Variants in KLHL1 observed in about 807,000 individuals in gnomAD.
The protein encoded by KLHL1 is kelch-like protein 1.
A neutral mutation model predicts 77.7 loss-of-function variants in KLHL1; 47 were observed. That is an observed-to-expected ratio of 0.60 (90% CI 0.48 to 0.77). KLHL1 has a LOEUF of 0.77. Ranked by LOEUF, KLHL1 falls within the 30% of genes least tolerant of loss-of-function variation. The pLI is 0.00. For missense variants in KLHL1, 925 were observed against 910.8 expected (o/e 1.02, Z -0.20); for synonymous variants, 360 against 325.2 (o/e 1.11, Z -1.15).
At chr13:69,973,475 A>T (rs1017130608) in intron 2 of KLHL1, among the ~76,000 whole-genome samples, 1 of 151,648 alleles carries the variant, frequency 6.6e-6, no homozygotes, top group Non-Finnish European at 1.5e-5. Flanking sequence ...ATATTATTTG[A>T]TATTATTATA....
chr13:69,702,908 C>A (rs1454161533), intron 10 of KLHL1, among the ~76,000 whole-genome samples: 1 of 151,710 alleles, frequency 6.6e-6, no homozygotes, highest in Non-Finnish European at 1.5e-5. Flanking sequence ...GTAATCACAT[C>A]TTGTACTGTT....
chr13:69,952,886 C>A (rs1566439546), intron 3 of KLHL1, among the ~76,000 whole-genome samples: 1 of 151,180 alleles, frequency 6.6e-6, no homozygotes, highest in Non-Finnish European at 1.5e-5. Flanking sequence ...CTTGTTTTCC[C>A]CCCATACTAT....
At chr13:70,049,813 C>A (rs1886587757) in intron 1 of KLHL1, among the ~76,000 whole-genome samples, 1 of 151,938 alleles carries the variant, frequency 6.6e-6, no homozygotes, top group Non-Finnish European at 1.5e-5. Context: ...ATTTTTCAAA[C>A]TTGTTCTGGC....
intron 1 of KLHL1, among the ~76,000 whole-genome samples, chr13:70,041,758 C>T (rs544103752): frequency 6.6e-6 from 1 of 152,172 alleles, no homozygotes; most frequent in African/African-American, 2.4e-5. Context: ...ATCCAGGTTT[C>T]CCACATGGTC....
At chr13:69,876,385 T>C (rs930327469) in intron 5 of KLHL1, among the ~76,000 whole-genome samples, 4 of 152,216 alleles carry the variant, frequency 2.6e-5, no homozygotes, top group Admixed American at 1.3e-4. Flanking sequence ...ACCTCACCCT[T>C]CCTTCTTGCA....
At chr13:69,840,895 G>C (rs1027699026) in intron 5 of KLHL1, among the ~76,000 whole-genome samples, 2 of 151,196 alleles carry the variant, frequency 1.3e-5, no homozygotes, top group African/African-American at 2.4e-5. Flanking sequence ...GATCATCTGT[G>C]TGTCAAATAT....
At chr13:70,091,953 G>A (rs183788672) in intron 1 of KLHL1, among the ~76,000 whole-genome samples, 28 of 152,208 alleles carry the variant, frequency 1.8e-4, no homozygotes, top group Middle Eastern at 3.4e-3. Context: ...CTGCCTGGCA[G>A]CAGGGTGTAG....
chr13:69,701,400 T>C lies in KLHL1; in HGVS notation c.*302A>G, dbSNP rs1875385846. The C allele has an allele frequency of 8.1e-6, 2 of 247,762 alleles. No homozygotes were observed. Among genetic ancestry groups the C allele is most frequent in the South Asian group, 8.1e-5 (1 of 12,416 alleles). 15.3% of individuals were successfully genotyped at this position (247,762 alleles called of 1,614,324 possible). ...ACAAATATTGGTCTCTCCTTTCAAC[T>C]GCTCAAGAAAAAACAAGCCTTTGGT... On this transcript the variant is annotated 3_prime_UTR_variant, in exon 11 of 11. Transcript: ENST00000377844.
chr13:70,094,235 C>T (rs531081971), intron 1 of KLHL1, among the ~76,000 whole-genome samples: 3 of 151,838 alleles, frequency 2.0e-5, no homozygotes, highest in Admixed American at 6.6e-5. Flanking sequence ...CTGAGGTGGG[C>T]GGATAACTTG....
intron 8 of KLHL1, among the ~76,000 whole-genome samples, chr13:69,738,431 T>C (rs1310780385): frequency 2.0e-5 from 3 of 152,004 alleles, no homozygotes; most frequent in Non-Finnish European, 4.4e-5. Context: ...CTTCAGAAGA[T>C]GGGTAACAAC....
intron 1 of KLHL1, among the ~76,000 whole-genome samples, chr13:69,978,739 G>A (rs900613969): frequency 1.3e-5 from 2 of 152,040 alleles, no homozygotes; most frequent in East Asian, 3.9e-4. Context: ...TGCCCGCCTT[G>A]GCCCCCCAAA....
At chr13:69,753,827 G>T (rs537782941) in intron 7 of KLHL1, among the ~76,000 whole-genome samples, 1 of 124,980 alleles carries the variant, frequency 8.0e-6, no homozygotes, top group Non-Finnish European at 1.8e-5. Flanking sequence ...TTCCATAATG[G>T]CATAGAAATA....
At chr13:69,988,210 G>T (rs2137309148) in intron 1 of KLHL1, among the ~76,000 whole-genome samples, 1 of 152,112 alleles carries the variant, frequency 6.6e-6, no homozygotes, top group African/African-American at 2.4e-5. Flanking sequence ...AGAATGTGTG[G>T]TGGTGTTTGG....
intron 6 of KLHL1, among the ~76,000 whole-genome samples, chr13:69,809,540 TGA>T (rs1877772552): frequency 6.6e-6 from 1 of 152,074 alleles, no homozygotes; most frequent in Non-Finnish European, 1.5e-5. Context: ...ATCGGCTCTA[TGA>T]GAGATGCTTA....
At chr13:69,882,521 A>C in intron 4 of KLHL1, 26 bp from the exon 5 acceptor site, 1 of 1,529,722 alleles carries the variant, frequency 6.5e-7, no homozygotes, top group Non-Finnish European at 9.0e-7. Context: ...ATCTTGGCAT[A>C]AATTCTGTTT....
chr13:69,758,842 G>A (rs1056768312), intron 7 of KLHL1, among the ~76,000 whole-genome samples: 1 of 151,710 alleles, frequency 6.6e-6, no homozygotes, highest in Non-Finnish European at 1.5e-5. Context: ...AATAATTAAT[G>A]TTTCCGTATT....
At chr13:69,975,317 C>T (rs538582775) in intron 2 of KLHL1, among the ~76,000 whole-genome samples, 7 of 151,836 alleles carry the variant, frequency 4.6e-5, no homozygotes, top group African/African-American at 1.5e-4. Flanking sequence ...TCCCACAGTC[C>T]CAGATAATGG....
chr13:70,020,376 A>G (rs1885759035), intron 1 of KLHL1, among the ~76,000 whole-genome samples: 1 of 152,156 alleles, frequency 6.6e-6, no homozygotes, highest in African/African-American at 2.4e-5. Flanking sequence ...ACATGTATGT[A>G]TATTTTGCTC....
chr13:69,905,526 C>A (rs1034666697), intron 4 of KLHL1, among the ~76,000 whole-genome samples: 11 of 151,794 alleles, frequency 7.2e-5, no homozygotes, highest in African/African-American at 2.4e-4. Context: ...ATATTAAATT[C>A]TAGATATTAA....
Sources: gnomAD v4.1 joint callset for allele counts (sites outside exome capture counted in the v4.1 genomes callset) on GRCh38, gnomAD v4.1.1 for gene constraint, MANE v1.5 for transcripts, NCBI Gene and HGNC (gene_info 2026-07-23, HGNC 2026-07-21) for gene names.